BMP1: variants seen among roughly 807,000 people sequenced by gnomAD.
BMP1 encodes the protein bone morphogenetic protein 1.
Under a neutral mutation model 116.8 loss-of-function variants are expected in BMP1, and 63 were observed. The ratio of observed to expected loss-of-function variants is 0.54; its 90% CI spans 0.44 to 0.67. The LOEUF (loss-of-function observed/expected upper bound fraction) is 0.67, where lower values mean the gene tolerates loss of function less well. Ranked by LOEUF, BMP1 falls within the 30% of genes least tolerant of loss-of-function variation. The pLI is 0.00. For missense variants in BMP1, 1,183 were observed against 1,358.9 expected, an observed-to-expected ratio of 0.87 and a Z score of 2.04; for synonymous variants, 536 against 533.4, an observed-to-expected ratio of 1.00 and a Z score of -0.07.
In BMP1 at chr8:22,189,464, AT is replaced by A. The variant is rs1258306482; in HGVS notation, c.1078-2584del. Among the ~76,000 whole-genome samples the A allele has an allele frequency of 2.9e-4, 40 of 137,164 alleles. 1 individual carries two copies. The highest frequency in any genetic ancestry group is 7.7e-4 in the African/African-American group (31 of 40,024). 90.0% of individuals were successfully genotyped at this position (137,164 alleles called of 152,430 possible). ...CACACACACACACACACACACACAT[AT>A]CTTATATATTATATAATATATAATA... On this transcript the variant is annotated intron_variant, in intron 8 of 19. Coordinates refer to ENST00000306385, the MANE Select transcript of BMP1 (RefSeq NM_006129.5).
At chr8:22,168,091 G>A (rs1009805314) in intron 1 of BMP1, among the ~76,000 whole-genome samples, 6 of 152,122 alleles carry the variant, frequency 3.9e-5, no homozygotes, top group Admixed American at 1.3e-4. Context: ...ACGCCCCTTC[G>A]TTGGACCATT....
chr8:22,209,452 G>A lies in BMP1; in HGVS notation c.2583G>A (p.Gly861=), dbSNP rs923471492. ...GFQASHATEC[G]GQVRADVKTK... ...CCCTCTTGTCCCCTACAGAGTGCGG[G>A]GGCCAGGTACGGGCAGACGTGAAGA... Residue 861 remains glycine (G), a synonymous_variant, in exon 19 of 20, where the codon GGG becomes GGA. Transcript: ENST00000306385. The A allele has an allele frequency of 2.5e-6, 4 of 1,614,162 alleles. No homozygotes were observed. The highest frequency in any genetic ancestry group is 3.4e-6 in the Non-Finnish European group (4 of 1,180,008).
At chr8:22,188,390 A>C (rs1828838409) in intron 8 of BMP1, among the ~76,000 whole-genome samples, 2 of 151,972 alleles carry the variant, frequency 1.3e-5, no homozygotes, top group Non-Finnish European at 2.9e-5. Context: ...GGCTGGTCTC[A>C]AACTCCTGAG....
intron 1 of BMP1, chr8:22,170,009 C>G (rs1223229049): frequency 6.6e-6 from 1 of 152,412 alleles, no homozygotes; most frequent in Non-Finnish European, 1.5e-5. Flanking sequence ...CCCTCGCTTC[C>G]CCAGAGGGCA....
rs747217492 is a variant in BMP1, at chr8:22,179,675, C to CT, written c.837-29dup. The CT allele has an allele frequency of 3.7e-6, 6 of 1,612,802 alleles. No homozygotes were observed. The African/African-American group carries it at 8.0e-5, about 22-fold the overall frequency. ...CTCCCTGCCCACTGTCCATGAGACG[C>CT]TCACCCTTACTTTTCTCCCTCTTCT... On this transcript the variant is annotated intron_variant, in intron 6 of 19. Transcript: ENST00000306385. This position sits in a 1 kb window ranked among gnomAD's most constrained non-coding sequence, Gnocchi z 4.6.
At chr8:22,205,594 G>C (rs1829338140) in intron 16 of BMP1, among the ~76,000 whole-genome samples, 1 of 152,030 alleles carries the variant, frequency 6.6e-6, no homozygotes, top group Non-Finnish European at 1.5e-5. Flanking sequence ...GGGCAACATA[G>C]TGAGACCCCA....
intron 1 of BMP1, chr8:22,170,282 G>A (rs1197882771): frequency 1.3e-5 from 2 of 152,656 alleles, no homozygotes; most frequent in Non-Finnish European, 1.5e-5. Flanking sequence ...GGCAGAGAGT[G>A]TGGGTGAGCC....
Position 22,179,821 on chromosome 8 carries a change from A to G in BMP1, c.953A>G (p.Lys318Arg), listed in dbSNP as rs763846138. The change falls in exon 7 of 20, where the codon AAG becomes AGG. Residue 318 changes from lysine (K) to arginine (R), a missense_variant. By Grantham distance (26) the Lys-to-Arg change is conservative. Around this residue, in one of 4 missense-constraint regions of BMP1, gnomAD observed 956 missense variants for 1,135.2 expected, o/e 0.84. Coordinates refer to ENST00000306385, the MANE Select transcript of BMP1 (RefSeq NM_006129.5). This position sits in a 1 kb window ranked among gnomAD's most constrained non-coding sequence, Gnocchi z 4.6. ...GDIAQARKLY[K>R]CPACGETLQD... ...ATTGCCCAAGCCCGCAAGCTTTACAAGTGCCCAGGTCAGGGCAGAGAAGGG... is the reference window on the plus strand; with the variant it reads ...ATTGCCCAAGCCCGCAAGCTTTACAGGTGCCCAGGTCAGGGCAGAGAAGGG... The G allele has an allele frequency of 6.2e-7, 1 of 1,613,632 alleles. No individual in the cohort carries two copies. The highest frequency in any genetic ancestry group is 8.5e-7 in the Non-Finnish European group (1 of 1,179,742).
chr8:22,209,299 G>C (rs923482611), intron 18 of BMP1, 146 bp from the exon 19 acceptor site: 1 of 1,358,352 alleles, frequency 7.4e-7, no homozygotes, highest in Non-Finnish European at 9.8e-7. Flanking sequence ...GCAATGTTCT[G>C]GGCCAGGCCC....
Position 22,211,992 on chromosome 8 carries a change from T to G in BMP1, c.*264T>G. 5.9e-6 allele frequency: 3 copies of G among 508,114 alleles called. No homozygotes were observed. The highest frequency in any genetic ancestry group is 3.2e-5 in the Admixed American group (1 of 31,194). 31.5% of individuals were successfully genotyped at this position (508,114 alleles called of 1,614,324 possible). On this transcript the variant is annotated 3_prime_UTR_variant, in exon 20 of 20. Transcript: ENST00000306385. ...CATTTCGAAGTCATCATTCCTCTCT[T>G]AGGGGGCCCTGCCTGGTGGCAAGAG...
At chr8:22,197,446 G>A in intron 15 of BMP1, 26 bp downstream of exon 15, 3 of 1,583,118 alleles carry the variant, frequency 1.9e-6, no homozygotes, top group Non-Finnish European at 2.6e-6. Flanking sequence ...CCAGCTCCTA[G>A]CCCCACCTCT....
chr8:22,200,720 T>C (rs1829236025), intron 15 of BMP1, among the ~76,000 whole-genome samples: 1 of 152,114 alleles, frequency 6.6e-6, no homozygotes, highest in African/African-American at 2.4e-5. Flanking sequence ...TCTAACACAC[T>C]CTGTAGATGT....
In BMP1 at chr8:22,173,722, C is replaced by T. The variant is rs369900732; in HGVS notation, c.262+7C>T. ...TCCTCCATCAAAGCTGCAGGTAAGC[C>T]GGGTGCCAATGGGCCCTCTGTGTCC... On this transcript the variant is annotated splice_region_variant and intron_variant, in intron 2 of 19. Transcript: ENST00000306385. 146 of 1,604,922 alleles carry T rather than the reference C, an allele frequency of 9.1e-5. No individual in the cohort carries two copies. The highest frequency in any genetic ancestry group is 1.7e-4 in the Admixed American group (10 of 58,670).
chr8:22,191,940 C>T, intron 8 of BMP1, 109 bp from the exon 9 acceptor site: 1 of 976,690 alleles, frequency 1.0e-6, no homozygotes, highest in Non-Finnish European at 1.6e-6. Flanking sequence ...TTAACTCTCG[C>T]CCAGGGGGAC....
At chr8:22,207,544 A>G (rs761456878) in intron 18 of BMP1, 28 bp downstream of exon 18, 4 of 1,606,910 alleles carry the variant, frequency 2.5e-6, no homozygotes, top group Non-Finnish European at 2.6e-6. Context: ...GGGAGTGTTC[A>G]CTGAGCCTGG....
intron 18 of BMP1, 54 bp downstream of exon 18, chr8:22,207,570 T>C: frequency 6.3e-7 from 1 of 1,589,624 alleles, no homozygotes; most frequent in Non-Finnish European, 8.6e-7. Flanking sequence ...AAGACTGGGG[T>C]AGAGTCGGGG....
rs746130427 is a variant in BMP1 at position 22,195,520 on chromosome 8, C to T, written c.1698C>T (p.Thr566=). 5.0e-6 allele frequency: 8 copies of T among 1,612,594 alleles called. No homozygotes were observed. The East Asian group carries it at 1.6e-4, about 32-fold the overall frequency. ...RGGCEQRCLN[T]LGSYKCSCDP... ...GCTGTGAGCAGCGGTGCCTCAACAC[C>T]CTGGGCAGCTACAAGTGCAGCTGTG... The change falls in exon 13 of 20, where the codon ACC becomes ACT. Residue 566 remains threonine (T), a synonymous_variant. Coordinates refer to ENST00000306385, the MANE Select transcript of BMP1 (RefSeq NM_006129.5).
intron 1 of BMP1, among the ~76,000 whole-genome samples, chr8:22,167,370 AG>A (rs1189022130): frequency 2.6e-5 from 4 of 152,108 alleles, no homozygotes; most frequent in Admixed American, 1.3e-4. Context: ...GCCACATTGG[AG>A]GGTAGGATGC....
rs1829101952 is a variant in BMP1 at position 22,196,692 on chromosome 8, G to C, written c.1778G>C (p.Gly593Ala). 1 of 1,613,918 alleles carries C rather than the reference G, an allele frequency of 6.2e-7. No individual in the cohort carries two copies. Among genetic ancestry groups the C allele is most frequent in the African/African-American group, 1.3e-5 (1 of 74,902 alleles). Residue 593 changes from glycine to alanine, a missense_variant, in exon 14 of 20, where the codon GGA (glycine) becomes GCA (alanine). By Grantham distance (60) the Gly-to-Ala change is moderately conservative (BLOSUM62 0). Coordinates refer to ENST00000306385, the MANE Select transcript of BMP1 (RefSeq NM_006129.5). The part of the protein sequence containing the change: ...DKRRCEAACG[G>A]FLTKLNGSIT... Reference sequence around the variant, plus strand: ...CTTGTCCCCGCAGCTGCTTGTGGCGGATTCCTCACCAAGCTCAACGGCTCC... The same window carrying C: ...CTTGTCCCCGCAGCTGCTTGTGGCGCATTCCTCACCAAGCTCAACGGCTCC...
Sources: allele counts gnomAD v4.1 joint callset (sites outside exome capture counted in the v4.1 genomes callset), GRCh38; gene constraint gnomAD v4.1.1; regional missense constraint gnomAD v4.1.1; non-coding constraint Gnocchi (gnomAD v3.1); transcripts MANE v1.5; gene names NCBI Gene and HGNC (gene_info 2026-07-23, HGNC 2026-07-21).